The following SMG6 variants were observed in gnomAD, a reference collection of about 807,000 sequenced individuals.
SMG6 encodes the protein telomerase-binding protein EST1A.
Under a neutral mutation model 142.2 loss-of-function variants are expected in SMG6, and 66 were observed. The observed-to-expected ratio is 0.46, with a 90% CI of 0.38 to 0.57. The LOEUF (loss-of-function observed/expected upper bound fraction) is 0.57. Among genes scored for constraint, SMG6 ranks in the 20% least tolerant of loss-of-function variants. The pLI is 0.00. For synonymous variants in SMG6, 779 were observed against 702.4 expected (o/e 1.11, Z -1.72); for missense variants, 1,793 against 1,832.0 (o/e 0.98, Z 0.39).
intron 10 of SMG6, 75 bp downstream of exon 10, chr17:2,236,417 A>G: frequency 6.7e-7 from 1 of 1,481,492 alleles, no homozygotes; most frequent in Non-Finnish European, 9.2e-7. Flanking sequence ...TATGGTAGGT[A>G]TGGTAACACA....
chr17:2,088,148 C>T, intron 13 of SMG6: 1 of 985,438 alleles, frequency 1.0e-6, no homozygotes, highest in Non-Finnish European at 1.2e-6. Context: ...CTGCCCAGGA[C>T]AGGAGTGTGC....
Position 2,292,936 on chromosome 17 carries a change from G to A in SMG6, c.2193C>T (p.Cys731=), listed in dbSNP as rs1430719182. The A allele has an allele frequency of 6.2e-7, 1 of 1,613,908 alleles. No homozygotes were observed. Among genetic ancestry groups the A allele is most frequent in the African/African-American group, 1.3e-5 (1 of 74,870 alleles). ...ALISAQRCMI[C]QGDIARYREQ... ...CCCGGTACCTAGCAATATCTCCTTG[G>A]CATATCATGCATCGCTGGGCACTGA... The change falls in exon 5 of 19, where the codon TGC becomes TGT. Residue 731 remains cysteine (C), a synonymous_variant. Coordinates refer to ENST00000263073, the MANE Select transcript of SMG6 (RefSeq NM_017575.5).
intron 13 of SMG6, among the ~76,000 whole-genome samples, chr17:2,139,174 G>A (rs971117511): frequency 5.9e-5 from 9 of 152,208 alleles, no homozygotes; most frequent in African/African-American, 1.7e-4. Context: ...GGTATTGGGA[G>A]TGACTACAGA....
At chr17:2,264,967 C>T (rs2074389792) in intron 8 of SMG6, among the ~76,000 whole-genome samples, 1 of 151,954 alleles carries the variant, frequency 6.6e-6, no homozygotes, top group Non-Finnish European at 1.5e-5. Flanking sequence ...CCCTATTCCA[C>T]TAGCTACTCA....
chr17:2,089,212 G>A (rs1358583727), intron 13 of SMG6, among the ~76,000 whole-genome samples: 1 of 152,192 alleles, frequency 6.6e-6, no homozygotes, highest in Non-Finnish European at 1.5e-5. Context: ...GAGAATGTAA[G>A]TGGCATGTAT....
chr17:2,134,316 G>A (rs949344861), intron 13 of SMG6, among the ~76,000 whole-genome samples: 6 of 150,126 alleles, frequency 4.0e-5, no homozygotes, highest in Non-Finnish European at 8.9e-5. Context: ...AATTTGGGAG[G>A]CCGAGGCAGG....
chr17:2,087,305 C>CATA, intron 13 of SMG6: 1 of 1,241,412 alleles, frequency 8.1e-7, no homozygotes, highest in Non-Finnish European at 1.0e-6. Flanking sequence ...TTCTCTAAGA[C>CATA]AGTGGAAATA....
intron 15 of SMG6, among the ~76,000 whole-genome samples, chr17:2,072,433 CTAAG>C (rs927758061): frequency 6.6e-5 from 10 of 152,180 alleles, no homozygotes; most frequent in African/African-American, 2.2e-4. Flanking sequence ...CTGGAAGGTG[CTAAG>C]TAACTAACTT....
intron 8 of SMG6, chr17:2,280,579 T>G: frequency 1.0e-6 from 1 of 985,264 alleles, no homozygotes; most frequent in Non-Finnish European, 1.2e-6. Context: ...TGCAGATTTC[T>G]TCGAGGGCTG....
At chr17:2,184,657 CAAA>C (rs150364302) in intron 12 of SMG6, among the ~76,000 whole-genome samples, 19,473 of 51,480 alleles carry the variant, frequency 0.38, 1,727 homozygotes, top group African/African-American at 0.45. Flanking sequence ...AACTCCGTCT[CAAA>C]AAAAAAAAAA....
At chr17:2,268,412 T>C (rs1173005905) in intron 8 of SMG6, among the ~76,000 whole-genome samples, 1 of 152,150 alleles carries the variant, frequency 6.6e-6, no homozygotes, top group Non-Finnish European at 1.5e-5. Flanking sequence ...ACAGCAGCTT[T>C]CACAGCAGCA....
chr17:2,087,007 G>T (rs1048957072), intron 13 of SMG6: 2 of 1,288,554 alleles, frequency 1.6e-6, no homozygotes, highest in Admixed American at 2.3e-5. Flanking sequence ...ATGCATCCTC[G>T]TTTCTTAGTG....
chr17:2,232,690 AGAG>A (rs2073532356), intron 10 of SMG6: 2 of 152,234 alleles, frequency 1.3e-5, no homozygotes, highest in Admixed American at 6.5e-5. Flanking sequence ...GGCCCAACCG[AGAG>A]GAGATCAAGG....
chr17:2,084,525 C>T (rs1293958149), intron 14 of SMG6, among the ~76,000 whole-genome samples: 2 of 152,188 alleles, frequency 1.3e-5, no homozygotes, highest in African/African-American at 2.4e-5. Flanking sequence ...CTGCTGCTCT[C>T]AGGACTCTGA....
chr17:2,138,551 A>T (rs1402483077), intron 13 of SMG6, among the ~76,000 whole-genome samples: 1 of 152,158 alleles, frequency 6.6e-6, no homozygotes, highest in Non-Finnish European at 1.5e-5. Flanking sequence ...CAGCTACAGG[A>T]GTAGTAGACC....
chr17:2,198,853 C>A (rs1233432701), intron 10 of SMG6, among the ~76,000 whole-genome samples: 2 of 151,242 alleles, frequency 1.3e-5, no homozygotes, highest in African/African-American at 4.9e-5. Flanking sequence ...TCATCTTCTG[C>A]TGCCTGGCCT....
rs367993139 is a variant in SMG6 at position 2,112,469 on chromosome 17, C to CT, written c.3358-26569dup. 1.1e-4 allele frequency among the ~76,000 whole-genome samples: 16 copies of CT among 151,052 alleles called. 1 individual carries two copies. Among genetic ancestry groups the CT allele is most frequent in the African/African-American group, 3.6e-4 (15 of 41,178 alleles). Reference sequence around the variant, plus strand: ...GTTGCAGTGAGCCGAGATCGTGCCACTGCACTCCAGCCTGGGTGACTGAGC... The same window carrying CT: ...GTTGCAGTGAGCCGAGATCGTGCCACTTGCACTCCAGCCTGGGTGACTGAGC... On this transcript the variant is annotated intron_variant, in intron 13 of 18. Coordinates refer to ENST00000263073, the MANE Select transcript of SMG6 (RefSeq NM_017575.5).
rs372726625 is a variant in SMG6 at position 2,065,056 on chromosome 17, C to T, written c.4129+17G>A. 342 of 1,607,170 alleles carry T rather than the reference C, an allele frequency of 2.1e-4. No individual in the cohort carries two copies. The African/African-American group carries it at 3.5e-3, about 16-fold the overall frequency. ...GCAGTGGGGATGGAAGATCCCAAGGCGGAGGCAAAGCTGTACCTTTGCTGG... is the reference window on the plus strand; with the variant it reads ...GCAGTGGGGATGGAAGATCCCAAGGTGGAGGCAAAGCTGTACCTTTGCTGG... On this transcript the variant is annotated intron_variant, in intron 18 of 18. Transcript: ENST00000263073.
At chr17:2,246,836 C>T (rs1269226844) in intron 8 of SMG6, among the ~76,000 whole-genome samples, 3 of 152,030 alleles carry the variant, frequency 2.0e-5, no homozygotes, top group African/African-American at 7.3e-5. Flanking sequence ...ATGCCAGCTA[C>T]TTGGGAGGCT....
Sources: allele counts gnomAD v4.1 joint callset (sites outside exome capture counted in the v4.1 genomes callset), GRCh38; gene constraint gnomAD v4.1.1; transcripts MANE v1.5; gene names NCBI Gene and HGNC (gene_info 2026-07-23, HGNC 2026-07-21).